CES5A: variants seen among roughly 807,000 people sequenced by gnomAD.
CES5A encodes carboxylesterase 5A.
In CES5A, 67 loss-of-function variants were observed where a neutral mutation model predicts 62.9. The observed-to-expected ratio is 1.07, with a 90% CI of 0.88 to 1.31. The LOEUF is 1.31. Ranked by LOEUF, CES5A falls within the 50% of genes most tolerant of loss-of-function variation. The probability of loss-of-function intolerance (pLI) is 0.00; values close to 1 mark genes in which losing one functional copy is unlikely to be tolerated. For synonymous variants in CES5A, 296 were observed against 280.8 expected, an observed-to-expected ratio of 1.05 and a Z score of -0.54; for missense variants, 748 against 708.5, an observed-to-expected ratio of 1.06 and a Z score of -0.63.
At chr16:55,920,437 G>A in intron 1 of CES5A, among the ~76,000 whole-genome samples, 1 of 152,192 alleles carries the variant, frequency 6.6e-6, no homozygotes. Flanking sequence ...TCACACTGCA[G>A]GAGGTTTGTC....
chr16:55,897,678 A>G (rs1341903332), intron 1 of CES5A, among the ~76,000 whole-genome samples: 1 of 152,244 alleles, frequency 6.6e-6, no homozygotes, highest in South Asian at 2.1e-4. Context: ...TGGGACAGAT[A>G]GTTTCATGTT....
rs1467290727 is a variant in CES5A at position 55,861,411 on chromosome 16, C to T, written c.915+1G>A. On this transcript the variant is annotated splice_donor_variant, in intron 7 of 12. Coordinates refer to ENST00000290567, the MANE Select transcript of CES5A (RefSeq NM_001143685.2). LOFTEE classifies it high-confidence loss of function. ...CCCAAAACTGCCCCCTCTGTCCTCA[C>T]CTGGCTGAGGGTCAGCAGCTCCTTG... 2 of 1,603,890 alleles carry T rather than the reference C, an allele frequency of 1.2e-6. No homozygotes were observed. The highest frequency in any genetic ancestry group is 8.5e-7 in the Non-Finnish European group (1 of 1,170,790).
At chr16:55,949,960 AAATAT>A in intron 1 of CES5A, 2 of 752,946 alleles carry the variant, frequency 2.7e-6, no homozygotes, top group Admixed American at 3.1e-5. Flanking sequence ...AATATAAATA[AAATAT>A]AATATAACCA....
Position 55,912,571 on chromosome 16 carries a change from T to C in CES5A, c.-256+12752A>G, listed in dbSNP as rs182096949. 1.8e-3 allele frequency among the ~76,000 whole-genome samples: 268 copies of C among 147,792 alleles called. 2 individuals carry two copies. The highest frequency in any genetic ancestry group is 6.5e-3 in the African/African-American group (257 of 39,790). The stretch of plus-strand genomic sequence containing the variant: ...AAGGAGAATGAGATGGATGAGGACA[T>C]GGAGGAGGAGGAGAAGGAGGAAGAC... On this transcript the variant is annotated intron_variant, in intron 1 of 12. Coordinates refer to the CES5A transcript ENST00000518005.
chr16:55,851,727 G>A (rs2033136434), intron 10 of CES5A, among the ~76,000 whole-genome samples: 1 of 142,234 alleles, frequency 7.0e-6, no homozygotes, highest in Non-Finnish European at 1.5e-5. Context: ...ATAGCCAATA[G>A]GCAAATGTAG....
chr16:55,869,469 C>T, intron 4 of CES5A, 142 bp downstream of exon 4: 1 of 1,347,822 alleles, frequency 7.4e-7, no homozygotes, highest in Non-Finnish European at 9.6e-7. Flanking sequence ...GCTACAGCTG[C>T]AAAAATTACC....
intron 10 of CES5A, among the ~76,000 whole-genome samples, chr16:55,852,679 A>T (rs2033155837): frequency 6.6e-6 from 1 of 152,240 alleles, no homozygotes; most frequent in Non-Finnish European, 1.5e-5. Context: ...AAACAGAAAC[A>T]ACTGATCAAC....
At chr16:55,846,974 A>G (rs1348823058) in intron 11 of CES5A, 134 bp from the exon 12 acceptor site, 1 of 766,104 alleles carries the variant, frequency 1.3e-6, no homozygotes, top group Non-Finnish European at 2.2e-6. Context: ...CACTGTACCC[A>G]TTTTATACAT....
chr16:55,952,821 A>G (rs2034572801), intron 1 of CES5A, among the ~76,000 whole-genome samples: 1 of 152,172 alleles, frequency 6.6e-6, no homozygotes, highest in South Asian at 2.1e-4. Flanking sequence ...GTTTATGGTC[A>G]AGTTCTAGCA....
intron 1 of CES5A, among the ~76,000 whole-genome samples, chr16:55,905,570 T>A (rs117773546): frequency 1.3e-5 from 2 of 152,028 alleles, no homozygotes; most frequent in African/African-American, 4.8e-5. Flanking sequence ...TTTTACCATG[T>A]TGGTCAGGCT....
chr16:55,926,036 A>G (rs1485418255), upstream of CES5A, among the ~76,000 whole-genome samples: 1 of 152,138 alleles, frequency 6.6e-6, no homozygotes, highest in Non-Finnish European at 1.5e-5. Flanking sequence ...CATGGAAGAA[A>G]TAAGACCTAG....
chr16:55,924,980 T>A (rs2034244081), intron 1 of CES5A, among the ~76,000 whole-genome samples: 1 of 151,906 alleles, frequency 6.6e-6, no homozygotes, highest in Non-Finnish European at 1.5e-5. Context: ...GTATAAGACC[T>A]CAAAAGCACA....
chr16:55,950,024 T>G (rs1189411560), intron 1 of CES5A: 1 of 370,584 alleles, frequency 2.7e-6, no homozygotes. Flanking sequence ...TAAAAATCCA[T>G]AACAGTGTAG....
intron 2 of CES5A, among the ~76,000 whole-genome samples, chr16:55,935,632 G>GC (rs1427437729): frequency 6.6e-6 from 1 of 152,086 alleles, no homozygotes; most frequent in African/African-American, 2.4e-5. Context: ...CTTCCTACAA[G>GC]CCTTCCACCA....
At chr16:55,919,584 G>T (rs938046478) in intron 1 of CES5A, among the ~76,000 whole-genome samples, 3 of 152,028 alleles carry the variant, frequency 2.0e-5, no homozygotes, top group Non-Finnish European at 4.4e-5. Context: ...TTCTACCCTT[G>T]TTCAAAGGTA....
At chr16:55,922,588 A>G (rs375585122) in intron 1 of CES5A, among the ~76,000 whole-genome samples, 1 of 152,010 alleles carries the variant, frequency 6.6e-6, no homozygotes, top group South Asian at 2.1e-4. Context: ...ACTGCAATAC[A>G]ATAATAGTAG....
upstream of CES5A, among the ~76,000 whole-genome samples, chr16:55,876,944 GCA>G (rs1224684908): frequency 6.6e-6 from 1 of 152,206 alleles, no homozygotes; most frequent in African/African-American, 2.4e-5. Context: ...CTGTGCTGGA[GCA>G]CAGTGTTGAG....
intron 2 of CES5A, among the ~76,000 whole-genome samples, chr16:55,943,128 T>C (rs914440246): frequency 1.3e-5 from 2 of 152,220 alleles, no homozygotes; most frequent in Admixed American, 1.3e-4. Context: ...AAATTGAACA[T>C]TTTAGAGTTG....
intron 1 of CES5A, among the ~76,000 whole-genome samples, chr16:55,887,322 A>G (rs2033827205): frequency 6.6e-6 from 1 of 151,612 alleles, no homozygotes. Flanking sequence ...GAGTCCACTG[A>G]ACTTGAAACT....
Sources: allele counts gnomAD v4.1 joint callset (sites outside exome capture counted in the v4.1 genomes callset), GRCh38; gene constraint gnomAD v4.1.1; transcripts MANE v1.5; gene names NCBI Gene and HGNC (gene_info 2026-07-23, HGNC 2026-07-21).